GRIA4: variants seen among roughly 807,000 people sequenced by gnomAD.
The protein encoded by GRIA4 is glutamate ionotropic receptor AMPA type subunit 4.
Under a neutral mutation model 104.0 loss-of-function variants are expected in GRIA4, and 34 were observed. That is an observed-to-expected ratio of 0.33 (90% CI 0.25 to 0.44). The LOEUF is 0.44. GRIA4 is among the 20% of genes least tolerant of loss of function. The pLI, the probability that GRIA4 is intolerant of heterozygous loss-of-function variation, is 1.00. For missense variants in GRIA4, 750 were observed against 1,096.5 expected (o/e 0.68, Z 4.46); for synonymous variants, 386 against 381.9 (o/e 1.01, Z -0.13).
Position 105,841,670 on chromosome 11 carries a change from C to T in GRIA4, c.488-20354C>T, listed in dbSNP as rs115348267. Among the ~76,000 whole-genome samples the T allele has an allele frequency of 8.6e-3, 1,305 of 152,184 alleles. 25 individuals carry two copies. The highest frequency in any genetic ancestry group is 0.03 in the African/African-American group (1,234 of 41,524). On this transcript the variant is annotated intron_variant, in intron 4 of 16. Transcript: ENST00000282499. ...AGGTTTTGTACATTTTCTTGTCATCCTGACTTGTTAAAATAAAGACTTGGC... is the reference window on the plus strand; with the variant it reads ...AGGTTTTGTACATTTTCTTGTCATCTTGACTTGTTAAAATAAAGACTTGGC...
chr11:105,929,387 C>T (rs955718870), intron 13 of GRIA4, among the ~76,000 whole-genome samples: 2 of 152,098 alleles, frequency 1.3e-5, no homozygotes, highest in African/African-American at 2.4e-5. Flanking sequence ...GGGAAAACTA[C>T]ATCTGAATTC....
intron 5 of GRIA4, among the ~76,000 whole-genome samples, chr11:105,886,316 G>C (rs1946256168): frequency 6.6e-6 from 1 of 152,052 alleles, no homozygotes; most frequent in Non-Finnish European, 1.5e-5. Context: ...ACCCCCTCAA[G>C]CATTTATCCT....
intron 3 of GRIA4, among the ~76,000 whole-genome samples, chr11:105,688,156 C>CTATCTATCTATCTA (rs373564678): frequency 6.6e-4 from 48 of 72,764 alleles, no homozygotes; most frequent in East Asian, 1.9e-3. Flanking sequence ...ATATCTATAT[C>CTATCTATCTATCTA]TCTATCTATC....
At chr11:105,760,235 T>A (rs930079533) in intron 4 of GRIA4, among the ~76,000 whole-genome samples, 1 of 152,152 alleles carries the variant, frequency 6.6e-6, no homozygotes, top group Non-Finnish European at 1.5e-5. Context: ...TTACTCCATG[T>A]TTTCCCTTCA....
chr11:105,907,422 A>G (rs1436139805), intron 9 of GRIA4, among the ~76,000 whole-genome samples: 2 of 152,232 alleles, frequency 1.3e-5, no homozygotes, highest in South Asian at 2.1e-4. Flanking sequence ...AAACTAGGCA[A>G]TGTGTCTGAG....
chr11:105,742,742 G>A (rs1939393282), intron 3 of GRIA4, among the ~76,000 whole-genome samples: 2 of 151,928 alleles, frequency 1.3e-5, no homozygotes, highest in Admixed American at 6.6e-5. Context: ...TACTGGAATG[G>A]TGAACCCAAA....
chr11:105,794,541 C>G (rs1000922014), intron 4 of GRIA4, among the ~76,000 whole-genome samples: 2 of 133,888 alleles, frequency 1.5e-5, no homozygotes, highest in Admixed American at 1.5e-4. Flanking sequence ...ATATCTGTCT[C>G]TCTGAGATAT....
chr11:105,924,217 ATATCT>A (rs573839865), intron 11 of GRIA4, among the ~76,000 whole-genome samples, 177 bp from the exon 12 acceptor site: 168 of 152,262 alleles, frequency 1.1e-3, no homozygotes, highest in African/African-American at 3.7e-3. Flanking sequence ...AATTTAAGTA[ATATCT>A]TATGAAAAAA....
At chr11:105,708,075 A>G (rs1953772231) in intron 3 of GRIA4, 1 of 152,142 alleles carries the variant, frequency 6.6e-6, no homozygotes, top group South Asian at 2.1e-4. Context: ...AATCACTGTA[A>G]CCATCAGTTA....
At chr11:105,843,622 T>C (rs1944471370) in intron 4 of GRIA4, among the ~76,000 whole-genome samples, 1 of 152,204 alleles carries the variant, frequency 6.6e-6, no homozygotes, top group Admixed American at 6.5e-5. Context: ...ACACTGGAGA[T>C]CTAGAATCCT....
chr11:105,644,734 C>A lies in GRIA4; in HGVS notation c.247+32300C>A, dbSNP rs529703486. The stretch of plus-strand genomic sequence containing the variant: ...TAAGGGCACATTGGCATAAGATAAA[C>A]CTTAAAGAAATTTTACTTATGCTGA... On this transcript the variant is annotated intron_variant, in intron 3 of 16. Coordinates refer to ENST00000282499, the MANE Select transcript of GRIA4 (RefSeq NM_000829.4). Among the ~76,000 whole-genome samples, 4 of 152,152 alleles carry A rather than the reference C, an allele frequency of 2.6e-5. No individual in the cohort carries two copies. The East Asian group carries it at 7.7e-4, about 29-fold the overall frequency.
intron 3 of GRIA4, among the ~76,000 whole-genome samples, chr11:105,687,544 T>C (rs1952922312): frequency 6.6e-6 from 1 of 152,204 alleles, no homozygotes; most frequent in Non-Finnish European, 1.5e-5. Context: ...ACCTTGGACA[T>C]ATCAGGACTT....
In GRIA4 at chr11:105,894,602, A is replaced by G. The variant is rs536464128; in HGVS notation, c.727-3667A>G. ...CGTAGATAGCCAAACAGCAATGCAC[A>G]TATGTTGGTTAGGAAGACAATCTAC... On this transcript the variant is annotated intron_variant, in intron 6 of 16. Coordinates refer to ENST00000282499, the MANE Select transcript of GRIA4 (RefSeq NM_000829.4). 5.3e-5 allele frequency among the ~76,000 whole-genome samples: 8 copies of G among 152,196 alleles called. No homozygotes were observed. The East Asian group carries it at 1.5e-3, about 29-fold the overall frequency.
intron 14 of GRIA4, among the ~76,000 whole-genome samples, chr11:105,962,599 A>G (rs1446717533): frequency 6.6e-6 from 1 of 152,166 alleles, no homozygotes; most frequent in African/African-American, 2.4e-5. Context: ...GCCCGAATCA[A>G]ATTCCCTGTC....
intron 3 of GRIA4, among the ~76,000 whole-genome samples, chr11:105,656,878 G>A (rs888505807): frequency 1.3e-5 from 2 of 151,950 alleles, no homozygotes; most frequent in Non-Finnish European, 2.9e-5. Flanking sequence ...CTAATGGGTG[G>A]AAGACTGTCT....
At chr11:105,793,454 C>A (rs1325943566) in intron 4 of GRIA4, among the ~76,000 whole-genome samples, 1 of 152,176 alleles carries the variant, frequency 6.6e-6, no homozygotes, top group African/African-American at 2.4e-5. Context: ...AATCCCACAG[C>A]AGGGACTATT....
chr11:105,906,889 G>T (rs186463159), intron 9 of GRIA4, among the ~76,000 whole-genome samples: 1 of 152,122 alleles, frequency 6.6e-6, no homozygotes, highest in African/African-American at 2.4e-5. Flanking sequence ...TATTCCACAG[G>T]CCCCTAAAAA....
At position 105,770,756 on chromosome 11, in the gene GRIA4, A is replaced by G. The variant is rs150088995; in HGVS notation, c.487+17536A>G. 6.9e-3 allele frequency among the ~76,000 whole-genome samples: 1,054 copies of G among 152,118 alleles called. 21 individuals are homozygous for G. Among genetic ancestry groups the G allele is most frequent in the African/African-American group, 0.024 (1,015 of 41,536 alleles). On this transcript the variant is annotated intron_variant, in intron 4 of 16. Transcript: ENST00000282499. ...TCCAAAGATTTTTCCAATTTTCACA[A>G]ATATCAGCTGGACTTTCTCTACCCT... is the stretch of plus-strand genomic sequence containing the variant.
intron 3 of GRIA4, among the ~76,000 whole-genome samples, chr11:105,712,598 A>AT (rs1365579311): frequency 5.3e-5 from 8 of 152,148 alleles, no homozygotes; most frequent in South Asian, 2.1e-4. Flanking sequence ...AGCCTATCCT[A>AT]TTTTTTGTGC....
Sources: allele counts gnomAD v4.1 joint callset (sites outside exome capture counted in the v4.1 genomes callset), GRCh38; gene constraint gnomAD v4.1.1; transcripts MANE v1.5; gene names NCBI Gene and HGNC (gene_info 2026-07-23, HGNC 2026-07-21).